Variants in WNK2 observed in about 807,000 individuals in gnomAD.
The protein encoded by WNK2 is serine/threonine-protein kinase WNK2.
Under a neutral mutation model 192.1 loss-of-function variants are expected in WNK2, and 67 were observed. The observed-to-expected ratio is 0.35, with a 90% CI of 0.29 to 0.43. The LOEUF is 0.43. WNK2 is among the 20% of genes least tolerant of loss of function. The probability of loss-of-function intolerance (pLI) is 1.00; values close to 1 mark genes in which losing one functional copy is unlikely to be tolerated. For missense variants in WNK2, 2,698 were observed against 3,089.7 expected (o/e 0.87, Z 3.01); for synonymous variants, 1,439 against 1,393.9 (o/e 1.03, Z -0.72).
rs1335668047 is a variant in WNK2 at position 93,245,829 on chromosome 9, G to T, written c.1543-1714G>T. Reference sequence around the variant, plus strand: ...CAGGGATCAGGTGCCTTGGCTCAGGGCCCTAGTGAGATGGGATCAGGTGTT... The same window carrying T: ...CAGGGATCAGGTGCCTTGGCTCAGGTCCCTAGTGAGATGGGATCAGGTGTT... On this transcript the variant is annotated intron_variant, in intron 7 of 29. Transcript: ENST00000427277. Among the ~76,000 whole-genome samples, 3 of 152,312 alleles carry T rather than the reference G, an allele frequency of 2.0e-5. No individual in the cohort carries two copies. In the East Asian group the frequency reaches 5.8e-4, roughly 29 times the overall value.
intron 28 of WNK2, among the ~76,000 whole-genome samples, chr9:93,310,707 T>C (rs1405035331): frequency 6.6e-6 from 1 of 152,204 alleles, no homozygotes; most frequent in Admixed American, 6.5e-5. Context: ...AAGTACCTCA[T>C]AGAAATGGAA....
chr9:93,210,945 C>T (rs547484830), intron 2 of WNK2, among the ~76,000 whole-genome samples: 5 of 152,282 alleles, frequency 3.3e-5, no homozygotes, highest in Admixed American at 1.3e-4. Context: ...TACCCTCATG[C>T]GCTCATATCA....
intron 19 of WNK2, among the ~76,000 whole-genome samples, chr9:93,285,456 AT>A (rs1249549025): frequency 1.3e-5 from 2 of 152,234 alleles, no homozygotes; most frequent in African/African-American, 4.8e-5. Context: ...AAAATAAAGA[AT>A]ATTGAAAAAT....
chr9:93,202,364 G>GTA (rs1554679265), intron 2 of WNK2, among the ~76,000 whole-genome samples: 5,152 of 146,016 alleles, frequency 0.035, 111 homozygotes, highest in Non-Finnish European at 0.05. Flanking sequence ...GTGTGTGTGT[G>GTA]TGTATGTCTC....
rs180863418 is a variant in WNK2, at chr9:93,247,117, G to C, written c.1543-426G>C. On this transcript the variant is annotated intron_variant, in intron 7 of 29. Transcript: ENST00000427277. This position sits in a 1 kb window ranked among gnomAD's most constrained non-coding sequence, Gnocchi z 5.2. ...CCATCTGCAACTCGGGTGTGGCCCC[G>C]TTCCCCATCTTTGGGCAGCCCCAGA... Among the ~76,000 whole-genome samples the C allele has an allele frequency of 6.6e-6, 1 of 152,156 alleles. No individual in the cohort carries two copies. The highest frequency in any genetic ancestry group is 1.5e-5 in the Non-Finnish European group (1 of 68,030).
intron 2 of WNK2, among the ~76,000 whole-genome samples, chr9:93,212,999 T>C (rs576330530): frequency 1.3e-5 from 2 of 152,230 alleles, no homozygotes; most frequent in Non-Finnish European, 2.9e-5. Flanking sequence ...GACCTGAGCT[T>C]TTCTAGTCTC....
chr9:93,256,379 C>G lies in WNK2; in HGVS notation c.2115C>G (p.Ser705Arg). 1 of 1,569,344 alleles carries G rather than the reference C, an allele frequency of 6.4e-7. No homozygotes were observed. Among genetic ancestry groups the G allele is most frequent in the Non-Finnish European group, 8.6e-7 (1 of 1,163,758 alleles). ...AGCACTTCCCGGATCCGGCCATGAG[C>G]TTCGCCCCCGTGCTGCCGCCGCCCA... The part of the protein sequence containing the change: ...LQQHFPDPAM[S>R]FAPVLPPPST... The change falls in exon 10 of 30, where the codon AGC (serine) becomes AGG (arginine). Residue 705 changes from serine (S) to arginine (R), a missense_variant. Physicochemically the swap from Ser to Arg is moderately radical, Grantham distance 110 (BLOSUM62 -1). This residue lies in a region of WNK2 where 893 missense variants were observed against 909.0 expected (regional missense o/e 0.98). Transcript: ENST00000427277.
intron 19 of WNK2, among the ~76,000 whole-genome samples, chr9:93,281,366 A>G (rs1256506976): frequency 2.7e-5 from 2 of 73,494 alleles, no homozygotes; most frequent in Non-Finnish European, 7.3e-5. Context: ...AGAATTAGAA[A>G]CTATGCCAAA....
At chr9:93,269,890 A>T (rs1323033696) in intron 19 of WNK2, among the ~76,000 whole-genome samples, 2 of 152,248 alleles carry the variant, frequency 1.3e-5, no homozygotes. Flanking sequence ...TAAACCATCC[A>T]CTGAGAATAA....
At position 93,289,323 on chromosome 9, in the gene WNK2, C is replaced by G. The variant is rs757115650; in HGVS notation, c.4569C>G (p.Val1523=). 1.0e-5 allele frequency: 16 copies of G among 1,601,278 alleles called. No homozygotes were observed. Among genetic ancestry groups the G allele is most frequent in the Non-Finnish European group, 1.2e-5 (14 of 1,174,404 alleles). The change falls in exon 20 of 30, where the codon GTC becomes GTG. Residue 1523 remains valine, a synonymous_variant. Transcript: ENST00000427277. ...QLPSPPLGPT[V]PPQPPSALES... ...CAAGCCCACCCCTGGGGCCCACCGT[C>G]CCCCCACAGCCACCCTCGGCCCTGG...
At chr9:93,256,597 G>A (rs1474402990) in intron 10 of WNK2, 143 bp downstream of exon 10, 2 of 1,027,624 alleles carry the variant, frequency 1.9e-6, no homozygotes, top group Admixed American at 3.0e-5. Flanking sequence ...GTGTGCCTGA[G>A]GGATGGGAGT....
intron 19 of WNK2, among the ~76,000 whole-genome samples, chr9:93,282,161 G>A (rs1847839009): frequency 6.6e-6 from 1 of 152,168 alleles, no homozygotes; most frequent in Non-Finnish European, 1.5e-5. Context: ...ATATTTATCA[G>A]GAGGCAGGAA....
At chr9:93,234,515 G>T (rs556456868) in intron 4 of WNK2, among the ~76,000 whole-genome samples, 3 of 152,176 alleles carry the variant, frequency 2.0e-5, no homozygotes, top group Non-Finnish European at 4.4e-5. Flanking sequence ...CTCGGACCCC[G>T]TCCCCTGGGA....
In WNK2 at chr9:93,234,851, C is replaced by T. The variant is rs749779052; in HGVS notation, c.1119C>T (p.Tyr373=). 2.8e-5 allele frequency: 45 copies of T among 1,614,172 alleles called. No individual in the cohort carries two copies. Among genetic ancestry groups the T allele is most frequent in the African/African-American group, 5.3e-5 (4 of 75,064 alleles). ...FMAPEMYEEH[Y]DESVDVYAFG... is the part of the protein sequence containing the mutation. ...CGCCCGAGATGTACGAGGAGCACTA[C>T]GATGAGTCCGTGGACGTCTATGCCT... Residue 373 remains tyrosine, a synonymous_variant, in exon 5 of 30, where the codon TAC becomes TAT. Coordinates refer to ENST00000427277, the MANE Select transcript of WNK2 (RefSeq NM_006648.4).
In WNK2 at chr9:93,230,759, T is replaced by C. The variant is rs10992684; in HGVS notation, c.855-129T>C. The C allele has an allele frequency of 4.8e-3, 4,112 of 852,380 alleles. 123 individuals carry two copies. In the African/African-American group the frequency reaches 0.062, roughly 13 times the overall value. The allele number at this position is 852,380 out of a possible 1,614,324, so 52.8% of individuals were successfully genotyped here. A position where few individuals can be genotyped will look rare whatever the true frequency, so the allele number is the denominator to read the frequency against. ...GCCCTCCCGTCTCACCTTCACTACCTGTCACGGGTATGTGCCGTGTGCACG... is the reference window on the plus strand; with the variant it reads ...GCCCTCCCGTCTCACCTTCACTACCCGTCACGGGTATGTGCCGTGTGCACG... On this transcript the variant is annotated intron_variant, in intron 3 of 29. Transcript: ENST00000427277.
At chr9:93,276,237 A>G (rs1846849565) in intron 19 of WNK2, among the ~76,000 whole-genome samples, 1 of 152,242 alleles carries the variant, frequency 6.6e-6, no homozygotes, top group South Asian at 2.1e-4. Flanking sequence ...TAATATTGGC[A>G]AAGGGATTGG....
rs568547294 is a variant in WNK2, at chr9:93,216,236, CT to C, written c.682-13459del. Among the ~76,000 whole-genome samples, 151 of 152,284 alleles carry C rather than the reference CT, an allele frequency of 9.9e-4. 1 individual carries two copies. Among genetic ancestry groups the C allele is most frequent in the Middle Eastern group, 3.4e-3 (1 of 294 alleles). On this transcript the variant is annotated intron_variant, in intron 2 of 29. Coordinates refer to ENST00000427277, the MANE Select transcript of WNK2 (RefSeq NM_006648.4). ...TCTGCCTTGCTTCTCTGCTTTTAGT[CT>C]ACTGCTTAGTGGTAATGCTCCAAGG...
At chr9:93,202,737 GGCTAAATGC>G (rs759787689) in intron 2 of WNK2, among the ~76,000 whole-genome samples, 1 of 151,896 alleles carries the variant, frequency 6.6e-6, no homozygotes, top group Non-Finnish European at 1.5e-5. Flanking sequence ...CTGCAGCCGG[GGCTAAATGC>G]TCCTCCCTCA....
intron 26 of WNK2, among the ~76,000 whole-genome samples, chr9:93,300,870 T>C (rs1851480505): frequency 6.6e-6 from 1 of 152,186 alleles, no homozygotes; most frequent in Non-Finnish European, 1.5e-5. Context: ...CAACCCCAAA[T>C]AGGAGAGTGA....
Sources: gnomAD v4.1 joint callset for allele counts (sites outside exome capture counted in the v4.1 genomes callset) on GRCh38, gnomAD v4.1.1 for gene constraint, gnomAD v4.1.1 regional missense constraint, Gnocchi (gnomAD v3.1) non-coding constraint, MANE v1.5 for transcripts, NCBI Gene and HGNC (gene_info 2026-07-23, HGNC 2026-07-21) for gene names.